The following PAFAH1B2 variants were observed in gnomAD, a reference collection of about 807,000 sequenced individuals.
PAFAH1B2 encodes platelet-activating factor acetylhydrolase IB subunit alpha2.
In PAFAH1B2, 8 loss-of-function variants were observed where a neutral mutation model predicts 28.0. The observed-to-expected ratio is 0.29, with a 90% CI of 0.17 to 0.52. The LOEUF (loss-of-function observed/expected upper bound fraction) is 0.52. Ranked by LOEUF, PAFAH1B2 falls within the 20% of genes least tolerant of loss-of-function variation. PAFAH1B2 has a pLI of 0.97. For missense variants in PAFAH1B2, 190 were observed against 282.6 expected, an observed-to-expected ratio of 0.67 and a Z score of 2.35; for synonymous variants, 104 against 103.2, an observed-to-expected ratio of 1.01 and a Z score of -0.05.
At chr11:117,163,679 A>G (rs1440988952) in intron 4 of PAFAH1B2, 91 bp from the exon 5 acceptor site, 7 of 501,098 alleles carry the variant, frequency 1.4e-5, no homozygotes, top group African/African-American at 3.2e-5. Flanking sequence ...TCTCAAAAAA[A>G]AAAAAAAAAA....
chr11:117,171,019 C>G lies in PAFAH1B2; in HGVS notation c.*3320C>G. 9.6e-7 allele frequency: 1 copy of G among 1,036,774 alleles called. No individual in the cohort carries two copies. 64.2% of individuals were successfully genotyped at this position (1,036,774 alleles called of 1,614,324 possible). A position where few individuals can be genotyped will look rare whatever the true frequency, so the allele number is the denominator to read the frequency against. The stretch of plus-strand genomic sequence containing the variant: ...ACTCATTCTGTTTTAGTGTATATTT[C>G]AATATAAATGTAAACATTTTGCTCA... On this transcript the variant is annotated 3_prime_UTR_variant, in exon 6 of 6. Transcript: ENST00000527958.
chr11:117,151,474 C>G (rs1956150726), intron 1 of PAFAH1B2, among the ~76,000 whole-genome samples: 1 of 152,070 alleles, frequency 6.6e-6, no homozygotes, highest in African/African-American at 2.4e-5. Context: ...TGTGACCTGC[C>G]TGCCTTGGCC....
At position 117,150,849 on chromosome 11, in the gene PAFAH1B2, G is replaced by A. The variant is rs182198729; in HGVS notation, c.-7-1592G>A. Among the ~76,000 whole-genome samples, 711 of 152,070 alleles carry A rather than the reference G, an allele frequency of 4.7e-3. 7 individuals carry two copies. Among genetic ancestry groups the A allele is most frequent in the Middle Eastern group, 0.017 (5 of 294 alleles). On this transcript the variant is annotated intron_variant, in intron 1 of 5. Coordinates refer to ENST00000527958, the MANE Select transcript of PAFAH1B2 (RefSeq NM_002572.4). ...AAAAATACAAAAAAATTAGCTGGGCGTGGTGGCGGGCGCTTGTAGTCCCAG... is the reference window on the plus strand; with the variant it reads ...AAAAATACAAAAAAATTAGCTGGGCATGGTGGCGGGCGCTTGTAGTCCCAG...
At chr11:117,151,798 C>T (rs1354637352) in intron 1 of PAFAH1B2, among the ~76,000 whole-genome samples, 1 of 152,092 alleles carries the variant, frequency 6.6e-6, no homozygotes, top group East Asian at 1.9e-4. Flanking sequence ...CCTGCACCTC[C>T]TGGGTTCACG....
intron 1 of PAFAH1B2, among the ~76,000 whole-genome samples, chr11:117,151,229 T>C (rs1167502227): frequency 9.9e-5 from 5 of 50,290 alleles, no homozygotes; most frequent in Non-Finnish European, 1.5e-4. Context: ...AATTTTTTCT[T>C]TTTCTTTTTT....
At chr11:117,175,817 G>T (rs1328669515), downstream of PAFAH1B2, 17 of 1,285,080 alleles carry the variant, frequency 1.3e-5, no homozygotes, top group Non-Finnish European at 1.8e-5. Context: ...CTGTAATCCA[G>T]CTACTCGAGA....
At chr11:117,146,132 T>G (rs78270178) in intron 1 of PAFAH1B2, among the ~76,000 whole-genome samples, 71,403 of 132,754 alleles carry the variant, frequency 0.54, 19,768 homozygotes, top group Non-Finnish European at 0.67. Context: ...TTTTTTTTTT[T>G]TGTGTGTGTG....
chr11:117,159,749 AAAG>A (rs1184781350), intron 2 of PAFAH1B2, 182 bp from the exon 3 acceptor site: 28 of 526,646 alleles, frequency 5.3e-5, no homozygotes, highest in Non-Finnish European at 6.1e-5. Flanking sequence ...AAAAAAAAAA[AAAG>A]AAAGAAAAAA....
downstream of PAFAH1B2, among the ~76,000 whole-genome samples, chr11:117,171,244 G>A (rs1325615817): frequency 6.6e-6 from 1 of 152,098 alleles, no homozygotes; most frequent in Non-Finnish European, 1.5e-5. Flanking sequence ...GTAGGTATAA[G>A]GACCCCTCAG....
chr11:117,159,827 G>T, intron 2 of PAFAH1B2, 107 bp from the exon 3 acceptor site: 1 of 738,166 alleles, frequency 1.4e-6, no homozygotes, highest in Non-Finnish European at 2.4e-6. Flanking sequence ...CTGACCTCAA[G>T]TTATTCTCCT....
At chr11:117,173,833 A>G (rs150478684), downstream of PAFAH1B2, among the ~76,000 whole-genome samples, 207 of 152,370 alleles carry the variant, frequency 1.4e-3, no homozygotes, top group African/African-American at 4.7e-3. Flanking sequence ...CAGAACTTGT[A>G]TGATGGAAAG....
chr11:117,177,799 G>A (rs1354055858), downstream of PAFAH1B2, among the ~76,000 whole-genome samples: 2 of 152,228 alleles, frequency 1.3e-5, no homozygotes, highest in South Asian at 2.1e-4. Flanking sequence ...GCCTCCCAAA[G>A]TGTTGGGATT....
At position 117,144,395 on chromosome 11, in the gene PAFAH1B2, G is replaced by T. The variant is rs577319163; in HGVS notation, c.-31G>T. On this transcript the variant is annotated 5_prime_UTR_variant, in exon 1 of 6. Transcript: ENST00000527958. ...ACCCGCCGACGCCTCAGCCGCTTGG[G>T]GCCCGCACGGACCCTCTACTTCAGT... 5 of 410,174 alleles carry T rather than the reference G, an allele frequency of 1.2e-5. No individual in the cohort carries two copies. The highest frequency in any genetic ancestry group is 1.1e-4 in the African/African-American group (5 of 47,296). 25.4% of individuals were successfully genotyped at this position (410,174 alleles called of 1,614,324 possible).
intron 2 of PAFAH1B2, among the ~76,000 whole-genome samples, chr11:117,159,226 T>A (rs1335652717): frequency 2.0e-5 from 3 of 152,218 alleles, no homozygotes; most frequent in Non-Finnish European, 4.4e-5. Context: ...TCTATTCTGG[T>A]TTCAGTAGAA....
At chr11:117,161,831 C>T (rs1020880014) in intron 4 of PAFAH1B2, among the ~76,000 whole-genome samples, 19 of 152,024 alleles carry the variant, frequency 1.2e-4, no homozygotes, top group African/African-American at 3.6e-4. Flanking sequence ...TTGATGCTAA[C>T]GAGGTATGCT....
chr11:117,163,394 G>A (rs187177476), intron 4 of PAFAH1B2, among the ~76,000 whole-genome samples: 105 of 152,134 alleles, frequency 6.9e-4, no homozygotes, highest in Admixed American at 3.5e-3. Context: ...ATTTTCGGCC[G>A]GGCGTGGTGG....
intron 2 of PAFAH1B2, among the ~76,000 whole-genome samples, chr11:117,157,085 G>A (rs1956270920): frequency 6.6e-6 from 1 of 151,130 alleles, no homozygotes; most frequent in African/African-American, 2.4e-5. Context: ...CTGCAATAGG[G>A]AGTTGACATG....
In PAFAH1B2 at chr11:117,167,720, T is replaced by C. The variant is rs374632211; in HGVS notation, c.*21T>C. ...CCTGACTGGCTCTTATCAGTGTTAATAGCATCTCAGCTTCCTCAGATCAGT... is the reference window on the plus strand; with the variant it reads ...CCTGACTGGCTCTTATCAGTGTTAACAGCATCTCAGCTTCCTCAGATCAGT... On this transcript the variant is annotated 3_prime_UTR_variant, in exon 6 of 6. Coordinates refer to ENST00000527958, the MANE Select transcript of PAFAH1B2 (RefSeq NM_002572.4). 2.0e-6 allele frequency: 3 copies of C among 1,502,776 alleles called. No homozygotes were observed. The highest frequency in any genetic ancestry group is 2.8e-5 in the African/African-American group (2 of 72,224). 93.1% of individuals were successfully genotyped at this position (1,502,776 alleles called of 1,614,324 possible). A position where few individuals can be genotyped will look rare whatever the true frequency, so the allele number is the denominator to read the frequency against.
downstream of PAFAH1B2, chr11:117,175,621 C>T (rs1266604877): frequency 1.1e-5 from 14 of 1,226,910 alleles, no homozygotes; most frequent in Non-Finnish European, 1.4e-5. Flanking sequence ...GGTTCCAGAG[C>T]AGTGGTTCTC....
Sources: gnomAD v4.1 joint callset for allele counts (sites outside exome capture counted in the v4.1 genomes callset) on GRCh38, gnomAD v4.1.1 for gene constraint, MANE v1.5 for transcripts, NCBI Gene and HGNC (gene_info 2026-07-23, HGNC 2026-07-21) for gene names.